TAOK3: variants seen among roughly 807,000 people sequenced by gnomAD.
TAOK3 encodes the protein serine/threonine-protein kinase TAO3.
TAOK3 carries 40 observed loss-of-function variants against 120.4 expected under a neutral mutation model. The ratio of observed to expected loss-of-function variants is 0.33; its 90% CI spans 0.26 to 0.43. The LOEUF (loss-of-function observed/expected upper bound fraction) is 0.43. Ranked by LOEUF, TAOK3 falls within the 20% of genes least tolerant of loss-of-function variation. The pLI, the probability that TAOK3 is intolerant of heterozygous loss-of-function variation, is 1.00. For synonymous variants in TAOK3, 355 were observed against 387.5 expected (o/e 0.92, Z 0.99); for missense variants, 821 against 1,112.1 (o/e 0.74, Z 3.72).
intron 1 of TAOK3, among the ~76,000 whole-genome samples, chr12:118,346,074 T>C (rs542131100): frequency 1.3e-5 from 2 of 152,226 alleles, no homozygotes; most frequent in Non-Finnish European, 2.9e-5. Flanking sequence ...AAAATATATC[T>C]AGGTATAGAA....
intron 13 of TAOK3, among the ~76,000 whole-genome samples, chr12:118,197,565 G>A (rs2037788647): frequency 6.6e-6 from 1 of 151,914 alleles, no homozygotes; most frequent in Non-Finnish European, 1.5e-5. Context: ...AGATCCAACT[G>A]AATTCCTCTC....
chr12:118,366,603 T>C (rs926626259), intron 1 of TAOK3, among the ~76,000 whole-genome samples: 11 of 152,180 alleles, frequency 7.2e-5, no homozygotes, highest in African/African-American at 4.8e-5. Flanking sequence ...AGTACTTTGA[T>C]AACTGACTAC....
Position 118,160,451 on chromosome 12 carries a change from G to A in TAOK3, c.2140-93C>T, listed in dbSNP as rs550109592. 1.5e-4 allele frequency: 160 copies of A among 1,102,764 alleles called. No homozygotes were observed. The highest frequency in any genetic ancestry group is 7.1e-4 in the East Asian group (30 of 42,160). The allele number at this position is 1,102,764 out of a possible 1,614,324, so 68.3% of individuals were successfully genotyped here. A position where few individuals can be genotyped will look rare whatever the true frequency, so the allele number is the denominator to read the frequency against. On this transcript the variant is annotated intron_variant, in intron 18 of 20. Transcript: ENST00000392533. This position sits in a 1 kb window ranked among gnomAD's most constrained non-coding sequence, Gnocchi z 4.2. ...ATGATATAATACAAGTGCTGAGAGCGTCTGTTTTTTGGTGCAGTGACTCAC... is the reference window on the plus strand; with the variant it reads ...ATGATATAATACAAGTGCTGAGAGCATCTGTTTTTTGGTGCAGTGACTCAC...
At chr12:118,302,145 T>C (rs190135505) in intron 1 of TAOK3, among the ~76,000 whole-genome samples, 1 of 152,324 alleles carries the variant, frequency 6.6e-6, no homozygotes, top group East Asian at 1.9e-4. Context: ...CATGCATTTC[T>C]GCACAGATCA....
chr12:118,189,985 T>C (rs1174616931), intron 13 of TAOK3, 44 bp from the exon 14 acceptor site: 5 of 1,606,160 alleles, frequency 3.1e-6, no homozygotes, highest in Non-Finnish European at 3.4e-6. Flanking sequence ...AGCTGTGCTC[T>C]TTCCTCGCCG....
chr12:118,256,124 A>G (rs534630302), intron 2 of TAOK3: 1 of 152,196 alleles, frequency 6.6e-6, no homozygotes, highest in South Asian at 2.1e-4. Flanking sequence ...TTGAATACAC[A>G]TTTCTCCAAA....
chr12:118,188,174 G>T (rs759858629), intron 14 of TAOK3, among the ~76,000 whole-genome samples: 21 of 152,188 alleles, frequency 1.4e-4, no homozygotes, highest in Non-Finnish European at 2.6e-4. Context: ...GTACTCGGTT[G>T]CTCAGAGCTT....
chr12:118,369,978 G>A (rs1185156296), intron 1 of TAOK3, among the ~76,000 whole-genome samples: 1 of 151,860 alleles, frequency 6.6e-6, no homozygotes, highest in African/African-American at 2.4e-5. Flanking sequence ...GAGTTCAAGC[G>A]ATTCCTCTGC....
At chr12:118,188,014 C>T (rs541942368) in intron 14 of TAOK3, among the ~76,000 whole-genome samples, 20 of 152,174 alleles carry the variant, frequency 1.3e-4, no homozygotes, top group Middle Eastern at 6.8e-3. Context: ...ATTATTCTGG[C>T]ATGGCTGTAG....
intron 1 of TAOK3, among the ~76,000 whole-genome samples, chr12:118,283,331 A>G (rs2042159800): frequency 6.6e-6 from 1 of 152,240 alleles, no homozygotes; most frequent in East Asian, 1.9e-4. Context: ...GTACTATGAA[A>G]GTTCAAAATA....
chr12:118,179,596 A>G (rs1227071120), intron 15 of TAOK3, among the ~76,000 whole-genome samples: 2 of 151,984 alleles, frequency 1.3e-5, no homozygotes, highest in Non-Finnish European at 2.9e-5. Context: ...TTAAAGCATA[A>G]TAATAATAAA....
At chr12:118,317,212 G>A (rs116430495) in intron 1 of TAOK3, among the ~76,000 whole-genome samples, 2,125 of 142,588 alleles carry the variant, frequency 0.015, 57 homozygotes, top group African/African-American at 0.053. Flanking sequence ...GCAGTGAGCC[G>A]AGATTATTGT....
Position 118,353,639 on chromosome 12 carries a change from G to A in TAOK3, c.-194+19009C>T, listed in dbSNP as rs1593670910. 4.6e-5 allele frequency among the ~76,000 whole-genome samples: 7 copies of A among 152,272 alleles called. No homozygotes were observed. In the South Asian group the frequency reaches 1.5e-3, roughly 32 times the overall value. The stretch of plus-strand genomic sequence containing the variant: ...GAGACTGAAATGAAGGCAGGCCCCT[G>A]TGGTAGTCCAGGAACGAGGCAACAA... On this transcript the variant is annotated intron_variant, in intron 1 of 20. Coordinates refer to ENST00000392533, the MANE Select transcript of TAOK3 (RefSeq NM_016281.4).
chr12:118,174,269 A>AAT (rs2036185944), intron 16 of TAOK3, among the ~76,000 whole-genome samples: 1 of 152,202 alleles, frequency 6.6e-6, no homozygotes, highest in Admixed American at 6.5e-5. Context: ...TAAATATCTA[A>AAT]ATATATATGC....
chr12:118,186,604 A>G (rs908820100), intron 14 of TAOK3, among the ~76,000 whole-genome samples: 1 of 152,192 alleles, frequency 6.6e-6, no homozygotes, highest in Non-Finnish European at 1.5e-5. Flanking sequence ...CAGATAACAC[A>G]TGAGCCCAAT....
At chr12:118,328,192 C>G (rs2141001062) in intron 1 of TAOK3, among the ~76,000 whole-genome samples, 1 of 152,150 alleles carries the variant, frequency 6.6e-6, no homozygotes, top group Non-Finnish European at 1.5e-5. Context: ...TCCCGAGTAG[C>G]TGGGATTACA....
intron 9 of TAOK3, among the ~76,000 whole-genome samples, chr12:118,225,911 A>C (rs1288469914): frequency 1.3e-5 from 2 of 152,166 alleles, no homozygotes; most frequent in African/African-American, 4.8e-5. Context: ...TTCAACTTTC[A>C]ATGCATTTTA....
At chr12:118,198,819 TTGA>T in intron 13 of TAOK3, 1 of 546,862 alleles carries the variant, frequency 1.8e-6, no homozygotes, top group Non-Finnish European at 3.3e-6. Flanking sequence ...AACTTATTTA[TTGA>T]TGATGATGGA....
chr12:118,160,220 C>T lies in TAOK3; in HGVS notation c.2278G>A (p.Glu760Lys). Residue 760 changes from glutamate (E) to lysine (K), a missense_variant, in exon 19 of 21, where the codon GAG (glutamate) becomes AAG (lysine). Physicochemically the swap from Glu to Lys is moderately conservative, Grantham distance 56 (BLOSUM62 1). This residue lies in a region of TAOK3 where 354 missense variants were observed against 572.1 expected (regional missense o/e 0.62). Coordinates refer to ENST00000392533, the MANE Select transcript of TAOK3 (RefSeq NM_016281.4). The surrounding 1 kb of genome is among the most constrained non-coding windows in gnomAD (Gnocchi z 4.2). ...AAAATGGCAAGTTTTCTTGTCTGCT[C>T]ATCTTTCAGTGTCTTTAAGATTGTT... Reference protein sequence around the residue: ...HKTILKTLKDEQTRKLAILAE... With the variant: ...HKTILKTLKDKQTRKLAILAE... 2.5e-6 allele frequency: 4 copies of T among 1,614,188 alleles called. No homozygotes were observed. The highest frequency in any genetic ancestry group is 2.5e-6 in the Non-Finnish European group (3 of 1,180,022).
Sources: gnomAD v4.1 joint callset for allele counts (sites outside exome capture counted in the v4.1 genomes callset) on GRCh38, gnomAD v4.1.1 for gene constraint, gnomAD v4.1.1 regional missense constraint, Gnocchi (gnomAD v3.1) non-coding constraint, MANE v1.5 for transcripts, NCBI Gene and HGNC (gene_info 2026-07-23, HGNC 2026-07-21) for gene names.